The following CHI3L1 variants were observed in gnomAD, a reference collection of about 807,000 sequenced individuals.
The protein encoded by CHI3L1 is chitinase-3-like protein 1.
In CHI3L1, 30 loss-of-function variants were observed where a neutral mutation model predicts 40.7. The ratio of observed to expected loss-of-function variants is 0.74; its 90% confidence interval spans 0.55 to 1.00. The LOEUF (loss-of-function observed/expected upper bound fraction) is 1.00, where lower values mean the gene tolerates loss of function less well. CHI3L1 is among the 50% of genes least tolerant of loss of function. The pLI is 0.00. For synonymous variants in CHI3L1, 210 were observed against 192.1 expected, an observed-to-expected ratio of 1.09 and a Z score of -0.77; for missense variants, 493 against 492.2, an observed-to-expected ratio of 1.00 and a Z score of -0.01.
At chr1:203,183,053 T>C (rs575178703) in intron 5 of CHI3L1, among the ~76,000 whole-genome samples, 1 of 152,186 alleles carries the variant, frequency 6.6e-6, no homozygotes, top group South Asian at 2.1e-4. Flanking sequence ...ACTAATCTTC[T>C]CCCCAAACCC....
chr1:203,180,549 G>C lies in CHI3L1; in HGVS notation c.815C>G (p.Thr272Ser). ...GRSFTLASSE[T>S]GVGAPISGPG... is the part of the protein sequence containing the mutation. ...TCCTGAGATTGGGGCTCCAACACCA[G>C]TCTCAGAAGAAGCCAGAGTGAAGCT... The change falls in exon 8 of 10, where the codon ACT (threonine) becomes AGT (serine). Residue 272 changes from threonine to serine, a missense_variant. Transcript: ENST00000255409. The C allele has an allele frequency of 6.2e-7, 1 of 1,611,692 alleles. No homozygotes were observed. Among genetic ancestry groups the C allele is most frequent in the Non-Finnish European group, 8.5e-7 (1 of 1,179,244 alleles).
rs1655899304 is a variant in CHI3L1, at chr1:203,179,937, C to A, written c.895-60G>T. On this transcript the variant is annotated intron_variant, in intron 8 of 9. Transcript: ENST00000255409. ...GTCGTGCCGAGACCTTGCAGGTCAC[C>A]AGGAGACGCCACTCTCCAAATCTCT... 6 of 1,476,302 alleles carry A rather than the reference C, an allele frequency of 4.1e-6. No homozygotes were observed. The East Asian group carries it at 1.4e-4, about 34-fold the overall frequency. The allele number at this position is 1,476,302 out of a possible 1,614,324, so 91.5% of individuals were successfully genotyped here.
rs776398402 is a variant in CHI3L1, at chr1:203,179,668, C to G, written c.1012-83G>C. ...GGCACATGTGCTCTGTGAGCCCAGC[C>G]CAGACCTCAGTGCAAGGGACAGGAA... On this transcript the variant is annotated intron_variant, in intron 9 of 9. Transcript: ENST00000255409. The G allele has an allele frequency of 3.7e-6, 6 of 1,613,820 alleles. No homozygotes were observed. The African/African-American group carries it at 6.7e-5, about 18-fold the overall frequency.
At position 203,182,861 on chromosome 1, in the gene CHI3L1, G is replaced by C. The variant is rs1195037641; in HGVS notation, c.466-9C>G. The C allele has an allele frequency of 1.2e-6, 2 of 1,613,944 alleles. No individual in the cohort carries two copies. Among genetic ancestry groups the C allele is most frequent in the Non-Finnish European group, 1.7e-6 (2 of 1,179,920 alleles). On this transcript the variant is annotated splice_polypyrimidine_tract_variant and intron_variant, in intron 5 of 9. Coordinates refer to ENST00000255409, the MANE Select transcript of CHI3L1 (RefSeq NM_001276.4). ...AATTCGGCCTTCATTTCCTAGATGG[G>C]AGACAGGCAGGTGAGAGAAAGGGTC...
chr1:203,186,427 A>ACC, intron 1 of CHI3L1, 82 bp from the exon 2 acceptor site: 2 of 750,646 alleles, frequency 2.7e-6, no homozygotes, highest in South Asian at 2.2e-5. Context: ...ACTGAGACCC[A>ACC]CCTCCCCCAC....
chr1:203,184,362 G>A (rs1400943400), intron 4 of CHI3L1, among the ~76,000 whole-genome samples: 1 of 152,210 alleles, frequency 6.6e-6, no homozygotes, highest in East Asian at 1.9e-4. Context: ...GAGATCCACT[G>A]TTAACTTGCT....
At chr1:203,182,692 C>A in intron 6 of CHI3L1, 39 bp downstream of exon 6, 1 of 1,612,808 alleles carries the variant, frequency 6.2e-7, no homozygotes, top group Non-Finnish European at 8.5e-7. Flanking sequence ...GGAGTGTTGG[C>A]AGAGGTTCTG....
intron 2 of CHI3L1, among the ~76,000 whole-genome samples, chr1:203,185,852 G>A (rs950086792): frequency 6.6e-6 from 1 of 152,274 alleles, no homozygotes; most frequent in African/African-American, 2.4e-5. Context: ...ACCTTTCTCT[G>A]CCTCCTGGTG....
At chr1:203,182,275 A>G (rs373926934) in intron 6 of CHI3L1, 68 of 163,070 alleles carry the variant, frequency 4.2e-4, no homozygotes, top group Admixed American at 4.8e-4. Flanking sequence ...GGTGAGGATG[A>G]GGCGTGGGGC....
chr1:203,183,936 C>T (rs1656000892), intron 4 of CHI3L1, 145 bp from the exon 5 acceptor site: 2 of 874,458 alleles, frequency 2.3e-6, no homozygotes, highest in Non-Finnish European at 3.6e-6. Flanking sequence ...GGGTCGCCTC[C>T]AGGCATGCAT....
At chr1:203,180,741 A>G in intron 7 of CHI3L1, 89 bp from the exon 8 acceptor site, 2 of 970,668 alleles carry the variant, frequency 2.1e-6, no homozygotes, top group East Asian at 2.7e-5. Context: ...AGCAGGGGTT[A>G]TTGGTGTATG....
intron 5 of CHI3L1, 150 bp from the exon 6 acceptor site, chr1:203,183,002 G>T (rs112092615): frequency 7.8e-6 from 6 of 765,056 alleles, no homozygotes; most frequent in African/African-American, 5.3e-5. Context: ...GCTCATCAGT[G>T]GTCCCATCCT....
rs2102210745 is a variant in CHI3L1 at position 203,185,270 on chromosome 1, G to A, written c.171C>T (p.Ser57=). 6 of 1,614,124 alleles carry A rather than the reference G, an allele frequency of 3.7e-6. No homozygotes were observed. The East Asian group carries it at 1.1e-4, about 30-fold the overall frequency. The change falls in exon 3 of 10, where the codon AGC becomes AGT. Residue 57 remains serine, a synonymous_variant. Transcript: ENST00000255409. Reference sequence around the variant, plus strand: ...TGTGATCGTTGCTTATATTGGCAAAGCTGTAGATGATGTGGGTACAGAGGA... The same window carrying A: ...TGTGATCGTTGCTTATATTGGCAAAACTGTAGATGATGTGGGTACAGAGGA... ...DRFLCTHIIY[S]FANISNDHID... is the part of the protein sequence containing the mutation.
At position 203,183,600 on chromosome 1, in the gene CHI3L1, T is replaced by C; in HGVS notation, c.465+41A>G. 3 of 1,609,910 alleles carry C rather than the reference T, an allele frequency of 1.9e-6. No homozygotes were observed. In the African/African-American group the frequency reaches 4.0e-5, roughly 21 times the overall value. ...GCTTCTAGCCCACCCCATTCCCTCATGCCTGCCCACCTCCCTCCCTGTCCC... is the reference window on the plus strand; with the variant it reads ...GCTTCTAGCCCACCCCATTCCCTCACGCCTGCCCACCTCCCTCCCTGTCCC... On this transcript the variant is annotated intron_variant, in intron 5 of 9. Coordinates refer to ENST00000255409, the MANE Select transcript of CHI3L1 (RefSeq NM_001276.4).
intron 1 of CHI3L1, 122 bp downstream of exon 1, chr1:203,186,477 C>T (rs1466453463): frequency 6.7e-7 from 1 of 1,491,834 alleles, no homozygotes; most frequent in Non-Finnish European, 9.3e-7. Flanking sequence ...TCCCCTGGCT[C>T]TGCTTCTCCT....
chr1:203,186,669 C>T lies in CHI3L1; in HGVS notation c.-46G>A. The T allele has an allele frequency of 6.2e-7, 1 of 1,613,394 alleles. No homozygotes were observed. Among genetic ancestry groups the T allele is most frequent in the Non-Finnish European group, 8.5e-7 (1 of 1,179,582 alleles). ...GCAGGGTGTGGCCTCTTCCCTTGCCCACGGCTCCTGGTGCCAGCTACCTAG... is the reference window on the plus strand; with the variant it reads ...GCAGGGTGTGGCCTCTTCCCTTGCCTACGGCTCCTGGTGCCAGCTACCTAG... On this transcript the variant is annotated 5_prime_UTR_variant, in exon 1 of 10. Coordinates refer to ENST00000255409, the MANE Select transcript of CHI3L1 (RefSeq NM_001276.4).
chr1:203,180,921 CTCGGCTCCCAGCCTCTCCCCAT>C, intron 7 of CHI3L1, among the ~76,000 whole-genome samples: 1 of 152,218 alleles, frequency 6.6e-6, no homozygotes, highest in Middle Eastern at 3.2e-3. Flanking sequence ...CTCCTACCTC[CTCGGCTCCCAGCCTCTCCCCAT>C]TCGGCCCCCT....
intron 4 of CHI3L1, 137 bp from the exon 5 acceptor site, chr1:203,183,928 G>T: frequency 2.1e-6 from 2 of 955,358 alleles, no homozygotes; most frequent in South Asian, 3.0e-5. Context: ...TGGGACAGGG[G>T]TCGCCTCCAG....
At position 203,179,437 on chromosome 1, in the gene CHI3L1, AC is replaced by A. The variant is rs746966964; in HGVS notation, c.*7del. 6.5e-7 allele frequency: 1 copy of A among 1,530,342 alleles called. No individual in the cohort carries two copies. The highest frequency in any genetic ancestry group is 1.3e-5 in the South Asian group (1 of 77,496). The allele number at this position is 1,530,342 out of a possible 1,614,324, so 94.8% of individuals were successfully genotyped here. A position where few individuals can be genotyped will look rare whatever the true frequency, so the allele number is the denominator to read the frequency against. On this transcript the variant is annotated 3_prime_UTR_variant, in exon 10 of 10. Transcript: ENST00000255409. Reference sequence around the variant, plus strand: ...CCTTGGCCCCCGTGCTGTGTGCAGAACAGAGGGCTACGTTGCAGCGAGTGCA... The same window carrying A: ...CCTTGGCCCCCGTGCTGTGTGCAGAAAGAGGGCTACGTTGCAGCGAGTGCA...
Sources: gnomAD v4.1 joint callset for allele counts (sites outside exome capture counted in the v4.1 genomes callset) on GRCh38, gnomAD v4.1.1 for gene constraint, MANE v1.5 for transcripts, NCBI Gene and HGNC (gene_info 2026-07-23, HGNC 2026-07-21) for gene names.